The following KCNG2 variants were observed in gnomAD, a reference collection of about 807,000 sequenced individuals.
KCNG2 encodes potassium voltage-gated channel modifier subfamily G member 2, also known as voltage-gated potassium channel regulatory subunit KCNG2.
Under a neutral mutation model 12.3 loss-of-function variants are expected in KCNG2, and 7 were observed. The ratio of observed to expected loss-of-function variants is 0.57; its 90% CI spans 0.32 to 1.07. The LOEUF (loss-of-function observed/expected upper bound fraction) is 1.07. Ranked by LOEUF, KCNG2 falls within the 50% of genes least tolerant of loss-of-function variation. The pLI is 0.04. For synonymous variants in KCNG2, 414 were observed against 351.4 expected, an observed-to-expected ratio of 1.18 and a Z score of -1.99; for missense variants, 703 against 726.0, an observed-to-expected ratio of 0.97 and a Z score of 0.36.
intron 1 of KCNG2, among the ~76,000 whole-genome samples, chr18:79,829,755 G>C (rs1978290753): frequency 6.6e-6 from 1 of 152,314 alleles, no homozygotes; most frequent in African/African-American, 2.4e-5. Flanking sequence ...TGGAAAGCTG[G>C]TGCCGGGGCA....
rs117440839 is a variant in KCNG2 at position 79,897,956 on chromosome 18, C to T, written c.625-1084C>T. On this transcript the variant is annotated intron_variant, in intron 3 of 3. Coordinates refer to ENST00000316249, the MANE Select transcript of KCNG2 (RefSeq NM_012283.2). ...TTATTCCTTTACAACCTGCTCATAT[C>T]GCAGCTCCTTCTCATTGCTTTCTGA... Among the ~76,000 whole-genome samples, 903 of 152,284 alleles carry T rather than the reference C, an allele frequency of 5.9e-3. 5 individuals are homozygous for T. The highest frequency in any genetic ancestry group is 5.7e-3 in the Admixed American group (87 of 15,304).
chr18:79,851,503 A>T (rs968537188), intron 1 of KCNG2, among the ~76,000 whole-genome samples: 1 of 152,214 alleles, frequency 6.6e-6, no homozygotes, highest in African/African-American at 2.4e-5. Flanking sequence ...CAGAGGATGC[A>T]CATGATATTA....
intron 3 of KCNG2, among the ~76,000 whole-genome samples, chr18:79,872,280 G>GCTT (rs1330535927): frequency 1.4e-5 from 1 of 73,410 alleles, no homozygotes; most frequent in Non-Finnish European, 2.4e-5. Flanking sequence ...CAAAGCTTCA[G>GCTT]TTTTTTTTTT....
At chr18:79,804,583 G>A (rs2087435288) in intron 1 of KCNG2, among the ~76,000 whole-genome samples, 1 of 152,204 alleles carries the variant, frequency 6.6e-6, no homozygotes, top group Non-Finnish European at 1.5e-5. Flanking sequence ...GCTGCTTCCT[G>A]GAGTCTGTGC....
chr18:79,889,294 G>A (rs1568272572), intron 3 of KCNG2, among the ~76,000 whole-genome samples: 1 of 152,114 alleles, frequency 6.6e-6, no homozygotes, highest in Non-Finnish European at 1.5e-5. Context: ...TTGAGCTTTG[G>A]TCCATTTTTT....
intron 1 of KCNG2, among the ~76,000 whole-genome samples, chr18:79,826,962 T>C (rs1442327377): frequency 6.6e-6 from 1 of 152,266 alleles, no homozygotes; most frequent in Non-Finnish European, 1.5e-5. Flanking sequence ...AAAAGTTTAA[T>C]TACAGTTTCT....
chr18:79,836,477 A>C (rs1288232736), intron 1 of KCNG2, among the ~76,000 whole-genome samples: 2 of 152,250 alleles, frequency 1.3e-5, no homozygotes, highest in Admixed American at 1.3e-4. Flanking sequence ...TCACTCAACA[A>C]AAGGAGAATA....
intron 3 of KCNG2, among the ~76,000 whole-genome samples, chr18:79,869,958 G>A (rs1979765561): frequency 6.6e-6 from 1 of 152,240 alleles, no homozygotes; most frequent in African/African-American, 2.4e-5. Flanking sequence ...CGGGTCTGAG[G>A]TCAGAGCTGG....
At chr18:79,806,430 T>C (rs2087450492) in intron 1 of KCNG2, among the ~76,000 whole-genome samples, 1 of 152,198 alleles carries the variant, frequency 6.6e-6, no homozygotes, top group Non-Finnish European at 1.5e-5. Context: ...GATGGTCTCA[T>C]GGGTGTTTCT....
At chr18:79,844,461 C>A (rs1011877147) in intron 1 of KCNG2, among the ~76,000 whole-genome samples, 4 of 152,020 alleles carry the variant, frequency 2.6e-5, no homozygotes, top group African/African-American at 9.7e-5. Context: ...TAATCACTTC[C>A]AGAGATCTAA....
In KCNG2 at chr18:79,864,152, G is replaced by T; in HGVS notation, c.485G>T (p.Arg162Leu). ...PRGRLQRGRR[R>L]LRDVVDNPHS... ...GGGCGGCTGCAGCGCGGCCGGCGGC[G>T]CCTGCGCGACGTGGTGGACAACCCG... The change falls in exon 3 of 4, where the codon CGC becomes CTC. Residue 162 changes from arginine to leucine, a missense_variant. Coordinates refer to ENST00000316249, the MANE Select transcript of KCNG2 (RefSeq NM_012283.2). 1 of 1,436,986 alleles carries T rather than the reference G, an allele frequency of 7.0e-7. No homozygotes were observed. The allele number at this position is 1,436,986 out of a possible 1,614,324, so 89.0% of individuals were successfully genotyped here.
intron 3 of KCNG2, among the ~76,000 whole-genome samples, chr18:79,892,617 T>A (rs1158521591): frequency 6.6e-6 from 1 of 152,198 alleles, no homozygotes; most frequent in Non-Finnish European, 1.5e-5. Context: ...TGTGGCCGCT[T>A]TTGACTGGGT....
At chr18:79,871,952 G>A (rs900085556) in intron 3 of KCNG2, among the ~76,000 whole-genome samples, 11 of 152,142 alleles carry the variant, frequency 7.2e-5, no homozygotes, top group Non-Finnish European at 7.4e-5. Context: ...CTCTGGGGCC[G>A]CACAATGCCA....
At chr18:79,833,313 A>AT (rs373532648) in intron 1 of KCNG2, among the ~76,000 whole-genome samples, 1 of 151,926 alleles carries the variant, frequency 6.6e-6, no homozygotes, top group Non-Finnish European at 1.5e-5. Flanking sequence ...TTTCTTGTTT[A>AT]TTTTTTTGTA....
intron 3 of KCNG2, among the ~76,000 whole-genome samples, chr18:79,865,180 G>A (rs1223772080): frequency 2.0e-5 from 3 of 148,644 alleles, no homozygotes; most frequent in Non-Finnish European, 4.5e-5. Context: ...GCTGCTGAGA[G>A]GTCTGGGTGC....
intron 1 of KCNG2, among the ~76,000 whole-genome samples, chr18:79,840,127 TAATAAAATGA>T (rs1174577167): frequency 6.6e-6 from 1 of 152,114 alleles, no homozygotes; most frequent in African/African-American, 2.4e-5. Flanking sequence ...CTGCAGTGGG[TAATAAAATGA>T]AATAAAATGT....
intron 1 of KCNG2, among the ~76,000 whole-genome samples, chr18:79,798,861 C>T (rs1211004754): frequency 6.6e-6 from 1 of 152,204 alleles, no homozygotes; most frequent in African/African-American, 2.4e-5. Context: ...CCCGAACGTT[C>T]CCCTAAACCC....
At chr18:79,895,013 T>TAA (rs1020205113) in intron 3 of KCNG2, among the ~76,000 whole-genome samples, 5 of 152,040 alleles carry the variant, frequency 3.3e-5, no homozygotes, top group African/African-American at 9.7e-5. Flanking sequence ...CATCTAGTGT[T>TAA]ACGATTGATA....
rs1303171851 is a variant in KCNG2, at chr18:79,866,475, TGCTGAGGTCTGTGTGCTGAGAGGTCTGG to T, written c.624+2186_624+2213del. On this transcript the variant is annotated intron_variant, in intron 3 of 3. Transcript: ENST00000316249. ...GAGAGTGTGGGTGCTGAGGTCTGGG[TGCTGAGGTCTGTGTGCTGAGAGGTCTGG>T]GTGCTGAGGTCTGGGTGCTGAAGTC... Among the ~76,000 whole-genome samples, 761 of 102,750 alleles carry T rather than the reference TGCTGAGGTCTGTGTGCTGAGAGGTCTGG, an allele frequency of 7.4e-3. 42 individuals are homozygous for T. The highest frequency in any genetic ancestry group is 0.028 in the African/African-American group (733 of 26,418). The allele number at this position is 102,750 out of a possible 152,430, so 67.4% of individuals were successfully genotyped here.
Sources: gnomAD v4.1 joint callset for allele counts (sites outside exome capture counted in the v4.1 genomes callset) on GRCh38, gnomAD v4.1.1 for gene constraint, MANE v1.5 for transcripts, NCBI Gene and HGNC (gene_info 2026-07-23, HGNC 2026-07-21) for gene names.